Variants in UNC45B observed in about 807,000 individuals in gnomAD.
UNC45B encodes the protein protein unc-45 homolog B.
In UNC45B, 78 loss-of-function variants were observed where a neutral mutation model predicts 98.7. The observed-to-expected ratio is 0.79, with a 90% CI of 0.66 to 0.95. The LOEUF is 0.95. UNC45B is among the 40% of genes least tolerant of loss of function. The pLI, the probability that UNC45B is intolerant of heterozygous loss-of-function variation, is 0.00. For synonymous variants in UNC45B, 462 were observed against 480.4 expected, an observed-to-expected ratio of 0.96 and a Z score of 0.50; for missense variants, 1,225 against 1,184.9, an observed-to-expected ratio of 1.03 and a Z score of -0.50.
rs1233804487 is a variant in UNC45B at position 35,180,586 on chromosome 17, GC to G, written c.2285del (p.Pro762GlnfsTer43). The G allele has an allele frequency of 6.2e-7, 1 of 1,613,918 alleles. No individual in the cohort carries two copies. The highest frequency in any genetic ancestry group is 1.3e-5 in the African/African-American group (1 of 74,920). ...RQKIFKERAL[P>X]DIENYMFENH... ...AGAAGATCTTTAAGGAGAGGGCCTT[GC>G]CAGACATCGAGAACTACATGTTTGA... On this transcript the variant is annotated frameshift_variant, in exon 18 of 20. Transcript: ENST00000394570. LOFTEE classifies it high-confidence loss of function.
At chr17:35,177,393 T>A (rs1363143684) in intron 16 of UNC45B, 102 bp from the exon 17 acceptor site, 7 of 815,440 alleles carry the variant, frequency 8.6e-6, no homozygotes. Context: ...AGACAATGTA[T>A]GAGAAAGTGC....
chr17:35,159,661 G>C, intron 8 of UNC45B, 116 bp downstream of exon 8: 1 of 1,199,994 alleles, frequency 8.3e-7, no homozygotes, highest in African/African-American at 1.5e-5. Flanking sequence ...TAACTGAAAA[G>C]ATGAGAAAAG....
intron 14 of UNC45B, 151 bp downstream of exon 14, chr17:35,174,520 C>A: frequency 8.4e-7 from 1 of 1,194,788 alleles, no homozygotes; most frequent in Non-Finnish European, 1.1e-6. Context: ...AGGGGATCAG[C>A]TTTGAAAAGT....
At chr17:35,180,914 TG>T (rs1234905345) in intron 18 of UNC45B, among the ~76,000 whole-genome samples, 1 of 152,126 alleles carries the variant, frequency 6.6e-6, no homozygotes, top group African/African-American at 2.4e-5. Flanking sequence ...ATCCAGACCC[TG>T]GGCTAGATGA....
At chr17:35,180,253 T>TGAGAGAGAGAGACA in intron 17 of UNC45B, among the ~76,000 whole-genome samples, 1 of 139,960 alleles carries the variant, frequency 7.1e-6, no homozygotes, top group South Asian at 2.5e-4. Flanking sequence ...ACATCCAGGA[T>TGAGAGAGAGAGACA]GAGAGAGAGA....
chr17:35,182,026 C>T (rs892836117), intron 18 of UNC45B, among the ~76,000 whole-genome samples: 2 of 151,892 alleles, frequency 1.3e-5, no homozygotes, highest in African/African-American at 4.8e-5. Flanking sequence ...GTTCAGTGGT[C>T]CCAATAGGAT....
At chr17:35,177,746 A>G (rs1189604505) in intron 17 of UNC45B, 136 bp downstream of exon 17, 2 of 633,208 alleles carry the variant, frequency 3.2e-6, no homozygotes. Flanking sequence ...GTTAGCACAA[A>G]TCCACAAACC....
chr17:35,148,454 G>A (rs1392699176), intron 2 of UNC45B, 23 bp downstream of exon 2: 2 of 1,608,830 alleles, frequency 1.2e-6, no homozygotes, highest in Non-Finnish European at 1.7e-6. Context: ...GCAGGGCACA[G>A]GGTGGGAGTG....
Position 35,177,072 on chromosome 17 carries a change from A to G in UNC45B, c.2081A>G (p.His694Arg). The G allele has an allele frequency of 6.2e-7, 1 of 1,614,218 alleles. No homozygotes were observed. Among genetic ancestry groups the G allele is most frequent in the Non-Finnish European group, 8.5e-7 (1 of 1,180,036 alleles). The change falls in exon 16 of 20, where the codon CAC becomes CGC. Residue 694 changes from histidine to arginine, a missense_variant. By Grantham distance (29) the His-to-Arg change is conservative. Coordinates refer to ENST00000394570, the MANE Select transcript of UNC45B (RefSeq NM_001267052.2). ...GTDVGKVKAA[H>R]ALAKIAAVSN... The stretch of plus-strand genomic sequence containing the variant: ...GATGTGGGCAAGGTGAAGGCAGCCC[A>G]CGCTCTAGCAAAGATCGCTGCTGTC...
chr17:35,163,971 G>C (rs759929321), intron 8 of UNC45B, 24 bp from the exon 9 acceptor site: 1 of 1,588,286 alleles, frequency 6.3e-7, no homozygotes. Context: ...AGGAATCTTA[G>C]GCTTGCCACT....
At chr17:35,152,304 C>G (rs116333866) in intron 4 of UNC45B, among the ~76,000 whole-genome samples, 1 of 151,798 alleles carries the variant, frequency 6.6e-6, no homozygotes, top group African/African-American at 2.4e-5. Flanking sequence ...TAGTGTGGAC[C>G]CCCCCAAACA....
chr17:35,158,299 T>G (rs2092077900), intron 7 of UNC45B, among the ~76,000 whole-genome samples: 1 of 152,242 alleles, frequency 6.6e-6, no homozygotes, highest in African/African-American at 2.4e-5. Context: ...GGCAGTCAAC[T>G]GGAAATGTTG....
chr17:35,177,090 C>A lies in UNC45B; in HGVS notation c.2099C>A (p.Ala700Asp), dbSNP rs777504541. The A allele has an allele frequency of 4.3e-6, 7 of 1,614,086 alleles. No homozygotes were observed. In the Admixed American group the frequency reaches 1.0e-4, roughly 23 times the overall value. The change falls in exon 16 of 20, where the codon GCT becomes GAT. Residue 700 changes from alanine (A) to aspartate (D), a missense_variant. Transcript: ENST00000394570. ...VKAAHALAKI[A>D]AVSNPDIAFP... ...GCAGCCCACGCTCTAGCAAAGATCGCTGCTGTCTCCAATCCGGACATTGCT... is the reference window on the plus strand; with the variant it reads ...GCAGCCCACGCTCTAGCAAAGATCGATGCTGTCTCCAATCCGGACATTGCT...
At chr17:35,159,308 T>G in intron 7 of UNC45B, 67 bp from the exon 8 acceptor site, 1 of 1,432,504 alleles carries the variant, frequency 7.0e-7, no homozygotes, top group Non-Finnish European at 9.6e-7. Flanking sequence ...AAGCTGCTGC[T>G]CTTCTTGGTC....
intron 8 of UNC45B, among the ~76,000 whole-genome samples, chr17:35,160,360 C>T (rs1387220365): frequency 6.6e-6 from 1 of 152,188 alleles, no homozygotes; most frequent in Non-Finnish European, 1.5e-5. Flanking sequence ...AGTTTCTTGC[C>T]ATGATTCAGC....
chr17:35,165,398 G>A (rs974629066), intron 9 of UNC45B, among the ~76,000 whole-genome samples: 1 of 152,200 alleles, frequency 6.6e-6, no homozygotes, highest in Non-Finnish European at 1.5e-5. Flanking sequence ...TCCCAGACTT[G>A]TAAATTATTC....
chr17:35,174,443 G>A (rs2092212587), intron 14 of UNC45B, 74 bp downstream of exon 14: 8 of 1,588,598 alleles, frequency 5.0e-6, no homozygotes, highest in Non-Finnish European at 6.9e-6. Flanking sequence ...ACACTGGGCA[G>A]GGAGATAGAA....
chr17:35,166,086 TAAAAAAA>T (rs55844448), intron 9 of UNC45B, among the ~76,000 whole-genome samples: 1 of 58,110 alleles, frequency 1.7e-5, no homozygotes, highest in African/African-American at 7.1e-5. Context: ...CCCTCATCTC[TAAAAAAA>T]AAAAAAAAAA....
chr17:35,161,252 T>C (rs905019096), intron 8 of UNC45B, among the ~76,000 whole-genome samples: 1 of 152,204 alleles, frequency 6.6e-6, no homozygotes, highest in African/African-American at 2.4e-5. Flanking sequence ...TGGGTAAAAA[T>C]AATGTGGATT....
Sources: allele counts gnomAD v4.1 joint callset (sites outside exome capture counted in the v4.1 genomes callset), GRCh38; gene constraint gnomAD v4.1.1; transcripts MANE v1.5; gene names NCBI Gene and HGNC (gene_info 2026-07-23, HGNC 2026-07-21).